FBN1: variants seen among roughly 807,000 people sequenced by gnomAD.
FBN1 encodes the protein fibrillin 1.
FBN1 carries 29 observed loss-of-function variants against 365.1 expected under a neutral mutation model. The observed-to-expected ratio is 0.08, with a 90% CI of 0.06 to 0.11. The LOEUF (loss-of-function observed/expected upper bound fraction) is 0.11. Ranked by LOEUF, FBN1 falls within the 10% of genes least tolerant of loss-of-function variation. The probability of loss-of-function intolerance (pLI) is 1.00; values close to 1 mark genes in which losing one functional copy is unlikely to be tolerated. For missense variants in FBN1, 2,476 were observed against 3,703.2 expected (o/e 0.67, Z 8.60); for synonymous variants, 1,210 against 1,270.5 (o/e 0.95, Z 1.01).
chr15:48,423,186 T>C (rs1566892153), intron 60 of FBN1, among the ~76,000 whole-genome samples: 1 of 152,210 alleles, frequency 6.6e-6, no homozygotes, highest in East Asian at 1.9e-4. Flanking sequence ...TTGTCGCATA[T>C]TCAGGAAAAA....
At chr15:48,412,117 C>T (rs969412077) in intron 65 of FBN1, among the ~76,000 whole-genome samples, 1 of 152,210 alleles carries the variant, frequency 6.6e-6, no homozygotes, top group African/African-American at 2.4e-5. Flanking sequence ...CAAAGGAAAC[C>T]AGGCTGCTTC....
chr15:48,636,853 GA>G, intron 2 of FBN1, among the ~76,000 whole-genome samples: 2 of 152,348 alleles, frequency 1.3e-5, no homozygotes, highest in Non-Finnish European at 2.9e-5. Context: ...AGAATCATGA[GA>G]AAGAATAAAA....
At position 48,437,869 on chromosome 15, in the gene FBN1, G is replaced by T; in HGVS notation, c.6212C>A (p.Ser2071Ter). The T allele has an allele frequency of 6.2e-7, 1 of 1,613,836 alleles. No homozygotes were observed. Among genetic ancestry groups the T allele is most frequent in the South Asian group, 1.1e-5 (1 of 91,084 alleles). The change falls in exon 51 of 66, where the codon TCA becomes TAA. Residue 2071 changes from serine to a stop codon, truncating the protein, a stop_gained. Coordinates refer to ENST00000316623, the MANE Select transcript of FBN1 (RefSeq NM_000138.5). LOFTEE classifies it high-confidence loss of function. The stretch of plus-strand genomic sequence containing the variant: ...GGAGTGATTTCTGGATTTGGGTGAT[G>T]AACACTTTCCTCCTTCAAACTTCGC... The part of the protein sequence containing the change: ...CYAKFEGGKC[S>*]SPKSRNHSKQ...
rs777845323 is a variant in FBN1, at chr15:48,468,409, T to C, written c.4582+3A>G. The stretch of plus-strand genomic sequence containing the variant: ...CTTCTCTGAAAAGTTTTTAAGGTCT[T>C]ACCAACACAGCCAACTCGAGTTGGG... On this transcript the variant is annotated splice_donor_region_variant and intron_variant, in intron 37 of 65. Coordinates refer to ENST00000316623, the MANE Select transcript of FBN1 (RefSeq NM_000138.5). The C allele has an allele frequency of 1.2e-5, 19 of 1,613,996 alleles. No homozygotes were observed. In the African/African-American group the frequency reaches 2.3e-4, roughly 19 times the overall value.
At chr15:48,617,941 A>G (rs1238648208) in intron 2 of FBN1, among the ~76,000 whole-genome samples, 1 of 152,218 alleles carries the variant, frequency 6.6e-6, no homozygotes, top group African/African-American at 2.4e-5. Flanking sequence ...AATAAAAACA[A>G]GGTCAGGAGG....
intron 57 of FBN1, 157 bp downstream of exon 57, chr15:48,428,189 T>C (rs2042995258): frequency 2.2e-6 from 2 of 923,258 alleles, no homozygotes; most frequent in Non-Finnish European, 3.4e-6. Flanking sequence ...CTGAGCCCAA[T>C]GGACAATCAC....
At chr15:48,562,621 T>C (rs760325049) in intron 6 of FBN1, among the ~76,000 whole-genome samples, 1 of 152,160 alleles carries the variant, frequency 6.6e-6, no homozygotes. Flanking sequence ...AGGACAAAGA[T>C]TGCTATTTTT....
chr15:48,471,286 A>G (rs1022040876), intron 35 of FBN1, among the ~76,000 whole-genome samples: 6 of 152,074 alleles, frequency 3.9e-5, no homozygotes, highest in Admixed American at 6.6e-5. Context: ...TCCTGTTAAC[A>G]TTCTTCGTGT....
Position 48,503,793 on chromosome 15 carries a change from T to G in FBN1, c.2107A>C (p.Asn703His). ...TCTCCATGATACCACATACCTGAAT[T>G]CTGTGCAGGACACGGCTGGCAAGGT... The part of the protein sequence containing the change: ...GEPCQPCPAQ[N>H]SAEYQALCSS... The change falls in exon 17 of 66, where the codon AAT becomes CAT. Residue 703 changes from asparagine (N) to histidine (H), a missense_variant. By Grantham distance (68) the Asn-to-His change is moderately conservative. This residue lies in a region of FBN1 where 1,780 missense variants were observed against 2,840.8 expected (regional missense o/e 0.63). Coordinates refer to ENST00000316623, the MANE Select transcript of FBN1 (RefSeq NM_000138.5). The G allele has an allele frequency of 6.2e-7, 1 of 1,613,794 alleles. No homozygotes were observed. The highest frequency in any genetic ancestry group is 8.5e-7 in the Non-Finnish European group (1 of 1,179,922).
rs771283158 is a variant in FBN1 at position 48,481,722 on chromosome 15, C to T, written c.3897G>A (p.Thr1299=). ...NICLSGTCEN[T]KGSFICHCDM... ...CACAGTGGCAGATAAATGAGCCTTT[C>T]GTGTTTTCACAGGTCCCACTTAGGC... The change falls in exon 32 of 66, where the codon ACG becomes ACA. Residue 1299 remains threonine (T), a synonymous_variant. Coordinates refer to ENST00000316623, the MANE Select transcript of FBN1 (RefSeq NM_000138.5). 15 of 1,613,642 alleles carry T rather than the reference C, an allele frequency of 9.3e-6. No homozygotes were observed. The highest frequency in any genetic ancestry group is 6.6e-5 in the South Asian group (6 of 91,076).
At chr15:48,416,734 T>C (rs2042905797) in intron 63 of FBN1, 1 of 152,278 alleles carries the variant, frequency 6.6e-6, no homozygotes. Context: ...TTTTTGTAGA[T>C]CTGCCTTTGC....
At chr15:48,591,456 T>C (rs1282634360) in intron 6 of FBN1, among the ~76,000 whole-genome samples, 1 of 152,250 alleles carries the variant, frequency 6.6e-6, no homozygotes, top group Non-Finnish European at 1.5e-5. Flanking sequence ...ATTCATTCCA[T>C]ATGTCTACTT....
At chr15:48,576,077 C>T (rs2044344754) in intron 6 of FBN1, among the ~76,000 whole-genome samples, 1 of 152,126 alleles carries the variant, frequency 6.6e-6, no homozygotes, top group African/African-American at 2.4e-5. Context: ...ATTATGAAGT[C>T]TCAGTATTGT....
rs770878437 is a variant in FBN1 at position 48,452,539 on chromosome 15, C to G, written c.5545+23G>C. ...AAGACAAACTCTTGGGTAGGCATGT[C>G]CAGCCTGTGGGGCACTACATACCAT... On this transcript the variant is annotated intron_variant, in intron 45 of 65. Transcript: ENST00000316623. 2.5e-6 allele frequency: 4 copies of G among 1,613,792 alleles called. No individual in the cohort carries two copies. In the African/African-American group the frequency reaches 5.3e-5, roughly 22 times the overall value.
intron 18 of FBN1, 48 bp from the exon 19 acceptor site, chr15:48,497,439 CT>C (rs1351687790): frequency 5.2e-6 from 8 of 1,536,944 alleles, no homozygotes; most frequent in Non-Finnish European, 7.2e-6. Flanking sequence ...AAAATAAATA[CT>C]GAATGAATTG....
intron 2 of FBN1, among the ~76,000 whole-genome samples, chr15:48,625,012 A>G (rs1373888998): frequency 1.3e-5 from 2 of 152,188 alleles, no homozygotes; most frequent in Admixed American, 6.5e-5. Context: ...CCAGGAAGAG[A>G]CAGGAAAATC....
At chr15:48,585,418 C>A (rs1053520929) in intron 6 of FBN1, among the ~76,000 whole-genome samples, 1 of 152,058 alleles carries the variant, frequency 6.6e-6, no homozygotes, top group Non-Finnish European at 1.5e-5. Flanking sequence ...TTTTTTCATG[C>A]GTTCACTTCC....
chr15:48,445,184 G>T (rs1262961067), intron 48 of FBN1, among the ~76,000 whole-genome samples, 192 bp downstream of exon 48: 1 of 132,316 alleles, frequency 7.6e-6, no homozygotes, highest in South Asian at 2.6e-4. Flanking sequence ...ATATATATAT[G>T]TATATATATA....
In FBN1 at chr15:48,448,860, C is replaced by A; in HGVS notation, c.5579G>T (p.Cys1860Phe). The change falls in exon 46 of 66, where the codon TGC becomes TTC. Residue 1860 changes from cysteine to phenylalanine, a missense_variant. Coordinates refer to ENST00000316623, the MANE Select transcript of FBN1 (RefSeq NM_000138.5). ...RNECQEIPNICSHGQCIDTVG... is the reference protein window; with the variant it reads ...RNECQEIPNIFSHGQCIDTVG... ...TGTGTCAATGCACTGCCCATGACTG[C>A]ATATATTGGGGATTTCTTGACATTC... is the stretch of plus-strand genomic sequence containing the variant. The A allele has an allele frequency of 6.2e-7, 1 of 1,612,112 alleles. No homozygotes were observed. The highest frequency in any genetic ancestry group is 2.2e-5 in the East Asian group (1 of 44,750).
Sources: gnomAD v4.1 joint callset for allele counts (sites outside exome capture counted in the v4.1 genomes callset) on GRCh38, gnomAD v4.1.1 for gene constraint, gnomAD v4.1.1 regional missense constraint, MANE v1.5 for transcripts, NCBI Gene and HGNC (gene_info 2026-07-23, HGNC 2026-07-21) for gene names.